PLXNA1: variants seen among roughly 807,000 people sequenced by gnomAD.
PLXNA1 encodes the protein plexin-A1.
Under a neutral mutation model 191.7 loss-of-function variants are expected in PLXNA1, and 77 were observed. That is an observed-to-expected ratio of 0.40 (90% CI 0.33 to 0.49). PLXNA1 has a LOEUF of 0.49. PLXNA1 is among the 20% of genes least tolerant of loss of function. The probability of loss-of-function intolerance (pLI) is 0.63; values close to 1 mark genes in which losing one functional copy is unlikely to be tolerated. For synonymous variants in PLXNA1, 1,137 were observed against 1,156.4 expected, an observed-to-expected ratio of 0.98 and a Z score of 0.34; for missense variants, 2,110 against 2,660.2, an observed-to-expected ratio of 0.79 and a Z score of 4.55.
At chr3:126,987,620 G>A (rs923050571) in intron 1 of PLXNA1, among the ~76,000 whole-genome samples, 27 of 152,314 alleles carry the variant, frequency 1.8e-4, no homozygotes, top group African/African-American at 6.3e-4. Context: ...ACTGTGGAGG[G>A]GTGGAGTGCA....
At chr3:126,998,222 G>C (rs549833889) in intron 3 of PLXNA1, among the ~76,000 whole-genome samples, 1 of 152,208 alleles carries the variant, frequency 6.6e-6, no homozygotes, top group Non-Finnish European at 1.5e-5. Context: ...TGTGTGGTGG[G>C]TCACTTCACC....
At chr3:127,018,220 T>C in intron 19 of PLXNA1, 74 bp from the exon 20 acceptor site, 1 of 1,326,178 alleles carries the variant, frequency 7.5e-7, no homozygotes, top group Non-Finnish European at 1.0e-6. Context: ...GGGGTGGGTC[T>C]TGCCCATCGG....
chr3:127,029,841 G>A (rs758414056), intron 27 of PLXNA1, 33 bp from the exon 28 acceptor site: 1 of 1,557,126 alleles, frequency 6.4e-7, no homozygotes, highest in Non-Finnish European at 8.7e-7. Flanking sequence ...CGGGGTGCCA[G>A]CCAACGCGGG....
intron 23 of PLXNA1, among the ~76,000 whole-genome samples, chr3:127,024,873 A>G (rs773038022): frequency 1.3e-5 from 2 of 152,000 alleles, no homozygotes; most frequent in African/African-American, 4.8e-5. Flanking sequence ...TTGCCACCAT[A>G]TCTGGGGTTT....
In PLXNA1 at chr3:127,014,175, C is replaced by T. The variant is rs2079109363; in HGVS notation, c.2411-7C>T. 4 of 1,611,370 alleles carry T rather than the reference C, an allele frequency of 2.5e-6. No homozygotes were observed. Among genetic ancestry groups the T allele is most frequent in the South Asian group, 1.1e-5 (1 of 90,996 alleles). On this transcript the variant is annotated splice_region_variant and splice_polypyrimidine_tract_variant and intron_variant, in intron 11 of 31. Coordinates refer to ENST00000393409, the MANE Select transcript of PLXNA1 (RefSeq NM_032242.4). ...CGGGCCCGAGCTGACCGCACCCCTC[C>T]CCACAGCGCACCTCTACAAGTGCCC...
At chr3:127,010,976 C>T (rs2079092708) in intron 9 of PLXNA1, among the ~76,000 whole-genome samples, 1 of 152,208 alleles carries the variant, frequency 6.6e-6, no homozygotes, top group African/African-American at 2.4e-5. Context: ...CCCTGAGCCA[C>T]CCGTTTTCAT....
At position 127,008,064 on chromosome 3, in the gene PLXNA1, G is replaced by T. The variant is rs1394121046; in HGVS notation, c.2112+151G>T. The T allele has an allele frequency of 1.6e-5, 9 of 572,086 alleles. No homozygotes were observed. The East Asian group carries it at 2.1e-4, about 13-fold the overall frequency. The allele number at this position is 572,086 out of a possible 1,614,324, so 35.4% of individuals were successfully genotyped here. ...TGTGGTGCATGCACCACCAGGCTGG[G>T]TCAGTGAGGTGACCCTGGATGCCAG... On this transcript the variant is annotated intron_variant, in intron 9 of 31. Coordinates refer to ENST00000393409, the MANE Select transcript of PLXNA1 (RefSeq NM_032242.4).
chr3:126,991,493 C>T lies in PLXNA1; in HGVS notation c.1304C>T (p.Thr435Ile). ...PLFVDKDDGL[T>I]AVAAYDYRGR... is the part of the protein sequence containing the mutation. ...TTCGTGGACAAGGATGATGGCCTGA[C>T]CGCCGTGGCTGCCTATGACTATCGG... The change falls in exon 3 of 32, where the codon ACC (threonine) becomes ATC (isoleucine). Residue 435 changes from threonine to isoleucine, a missense_variant. Physicochemically the swap from Thr to Ile is moderately conservative, Grantham distance 89. Coordinates refer to ENST00000393409, the MANE Select transcript of PLXNA1 (RefSeq NM_032242.4). 6.2e-7 allele frequency: 1 copy of T among 1,612,568 alleles called. No individual in the cohort carries two copies. Among genetic ancestry groups the T allele is most frequent in the Non-Finnish European group, 8.5e-7 (1 of 1,179,688 alleles).
chr3:126,989,638 G>A lies in PLXNA1; in HGVS notation c.1045G>A (p.Val349Met), dbSNP rs41266465. 17 of 1,612,962 alleles carry A rather than the reference G, an allele frequency of 1.1e-5. No individual in the cohort carries two copies. Among genetic ancestry groups the A allele is most frequent in the African/African-American group, 4.0e-5 (3 of 74,916 alleles). The change falls in exon 2 of 32, where the codon GTG (valine) becomes ATG (methionine). Residue 349 changes from valine (V) to methionine (M), a missense_variant. Physicochemically the swap from Val to Met is conservative, Grantham distance 21. Transcript: ENST00000393409. ...TVFAQGQKNR[V>M]KPPKESALCL... ...GTTCGCCCAGGGCCAGAAGAACCGC[G>A]TGAAGCCACCAAAGGAGTCAGCACT...
At chr3:126,984,235 G>A (rs1297252620) in intron 1 of PLXNA1, among the ~76,000 whole-genome samples, 1 of 152,190 alleles carries the variant, frequency 6.6e-6, no homozygotes, top group African/African-American at 2.4e-5. Flanking sequence ...GGCCCCGGGC[G>A]GCGATCTGCC....
intron 1 of PLXNA1, 32 bp from the exon 2 acceptor site, chr3:126,988,489 C>A: frequency 1.0e-6 from 1 of 979,566 alleles, no homozygotes; most frequent in Non-Finnish European, 1.5e-6. Flanking sequence ...GCCATGCCTG[C>A]ATTCACATGC....
chr3:127,005,267 G>A (rs374592740), intron 7 of PLXNA1, 24 bp downstream of exon 7: 5 of 1,588,776 alleles, frequency 3.1e-6, no homozygotes, highest in Non-Finnish European at 4.3e-6. Flanking sequence ...ACACAATGGT[G>A]CCCGCTGCCT....
chr3:127,023,813 G>A (rs2079164190), intron 23 of PLXNA1, among the ~76,000 whole-genome samples: 1 of 152,180 alleles, frequency 6.6e-6, no homozygotes, highest in African/African-American at 2.4e-5. Flanking sequence ...CGAGCAGGGA[G>A]GGTGGGATTC....
chr3:127,025,573 T>C (rs1325834053), intron 23 of PLXNA1, among the ~76,000 whole-genome samples: 2 of 152,214 alleles, frequency 1.3e-5, no homozygotes, highest in African/African-American at 4.8e-5. Flanking sequence ...CTTGTGAAAC[T>C]GAAACTCTGT....
At chr3:126,987,809 G>A (rs182511099) in intron 1 of PLXNA1, among the ~76,000 whole-genome samples, 166 of 151,944 alleles carry the variant, frequency 1.1e-3, no homozygotes, top group Middle Eastern at 3.4e-3. Flanking sequence ...ATGTGGGTGG[G>A]ACACATTGCC....
At chr3:127,004,503 T>C in intron 4 of PLXNA1, 108 bp from the exon 5 acceptor site, 1 of 790,130 alleles carries the variant, frequency 1.3e-6, no homozygotes, top group Non-Finnish European at 2.1e-6. Flanking sequence ...TGAGAACAAG[T>C]GCAGGGCCTC....
chr3:127,005,690 C>T (rs1464263111), intron 7 of PLXNA1, among the ~76,000 whole-genome samples: 3 of 149,444 alleles, frequency 2.0e-5, no homozygotes, highest in Non-Finnish European at 4.4e-5. Context: ...TTGCGGGGGG[C>T]TGCAGGCTGA....
At chr3:126,987,597 C>A (rs1050740045) in intron 1 of PLXNA1, among the ~76,000 whole-genome samples, 1 of 152,132 alleles carries the variant, frequency 6.6e-6, no homozygotes, top group African/African-American at 2.4e-5. Flanking sequence ...GGTGCTGAGG[C>A]TGGGAAGGGG....
chr3:126,996,257 C>T (rs1199044736), intron 3 of PLXNA1, among the ~76,000 whole-genome samples: 1 of 152,196 alleles, frequency 6.6e-6, no homozygotes, highest in Non-Finnish European at 1.5e-5. Context: ...CCATCTTCCT[C>T]TCTGCAGACA....
Sources: gnomAD v4.1 joint callset for allele counts (sites outside exome capture counted in the v4.1 genomes callset) on GRCh38, gnomAD v4.1.1 for gene constraint, MANE v1.5 for transcripts, NCBI Gene and HGNC (gene_info 2026-07-23, HGNC 2026-07-21) for gene names.